ATP8A1: variants seen among roughly 807,000 people sequenced by gnomAD.
ATP8A1 encodes phospholipid-transporting ATPase IA.
In ATP8A1, 90 loss-of-function variants were observed where a neutral mutation model predicts 177.7. That is an observed-to-expected ratio of 0.51 (90% CI 0.43 to 0.60). The LOEUF (loss-of-function observed/expected upper bound fraction) is 0.60. Among genes scored for constraint, ATP8A1 ranks in the 20% least tolerant of loss-of-function variants. The pLI is 0.00. For missense variants in ATP8A1, 1,072 were observed against 1,392.8 expected, an observed-to-expected ratio of 0.77 and a Z score of 3.67; for synonymous variants, 493 against 485.9, an observed-to-expected ratio of 1.01 and a Z score of -0.19.
At chr4:42,656,792 C>G in intron 1 of ATP8A1, 33 bp downstream of exon 1, 2 of 1,531,286 alleles carry the variant, frequency 1.3e-6, no homozygotes, top group South Asian at 1.2e-5. Flanking sequence ...CTTCCCGACC[C>G]CGGGCTAGCC....
intron 27 of ATP8A1, among the ~76,000 whole-genome samples, chr4:42,463,010 C>T (rs893245099): frequency 3.9e-5 from 6 of 152,224 alleles, no homozygotes; most frequent in African/African-American, 9.6e-5. Context: ...ATTGCTTGTA[C>T]ATCCATTGGA....
chr4:42,427,154 A>T (rs1224035482), intron 33 of ATP8A1, among the ~76,000 whole-genome samples: 1 of 152,232 alleles, frequency 6.6e-6, no homozygotes, highest in Non-Finnish European at 1.5e-5. Flanking sequence ...CAGTGAAAAA[A>T]AACTATGAAA....
At chr4:42,413,536 T>C (rs533575707) in intron 36 of ATP8A1, among the ~76,000 whole-genome samples, 2 of 152,212 alleles carry the variant, frequency 1.3e-5, no homozygotes, top group African/African-American at 4.8e-5. Flanking sequence ...AAATCCTTTA[T>C]ATAAAATGGC....
chr4:42,423,250 T>C (rs1327851844), intron 34 of ATP8A1, among the ~76,000 whole-genome samples: 1 of 152,148 alleles, frequency 6.6e-6, no homozygotes, highest in African/African-American at 2.4e-5. Context: ...TTATATTTTA[T>C]ATATGTTTGG....
chr4:42,638,235 T>C (rs999655526), intron 1 of ATP8A1, among the ~76,000 whole-genome samples: 1 of 152,242 alleles, frequency 6.6e-6, no homozygotes, highest in Non-Finnish European at 1.5e-5. Flanking sequence ...GTAAATGACA[T>C]GTTTCTTTAA....
intron 20 of ATP8A1, among the ~76,000 whole-genome samples, chr4:42,527,130 T>C (rs1726754066): frequency 6.6e-6 from 1 of 152,194 alleles, no homozygotes; most frequent in Non-Finnish European, 1.5e-5. Flanking sequence ...ATCTCCTGGC[T>C]TCAGAAGCAG....
chr4:42,511,981 G>A (rs563835185), intron 22 of ATP8A1, among the ~76,000 whole-genome samples: 2 of 152,222 alleles, frequency 1.3e-5, no homozygotes, highest in South Asian at 4.1e-4. Flanking sequence ...GAGTAAATGT[G>A]GATAAATACT....
chr4:42,469,094 C>T (rs929403054), intron 25 of ATP8A1, among the ~76,000 whole-genome samples: 11 of 152,136 alleles, frequency 7.2e-5, no homozygotes, highest in African/African-American at 2.7e-4. Context: ...CCAGAATGTA[C>T]TGATTCCTTT....
At chr4:42,581,470 C>T (rs567605690) in intron 10 of ATP8A1, 151 bp downstream of exon 10, 38 of 656,884 alleles carry the variant, frequency 5.8e-5, no homozygotes, top group African/African-American at 9.1e-5. Context: ...CAAGGTCCCA[C>T]TCACAGGAGT....
chr4:42,581,005 C>T (rs1445971418), intron 10 of ATP8A1, among the ~76,000 whole-genome samples: 2 of 152,194 alleles, frequency 1.3e-5, no homozygotes, highest in Non-Finnish European at 2.9e-5. Context: ...CTTATCATGA[C>T]ATGGACGACT....
At chr4:42,586,316 T>C in intron 9 of ATP8A1, 33 bp downstream of exon 9, 1 of 1,608,222 alleles carries the variant, frequency 6.2e-7, no homozygotes. Flanking sequence ...ACACAGTGGA[T>C]TCTGTGTTTT....
chr4:42,424,922 A>G (rs1714410642), intron 33 of ATP8A1, among the ~76,000 whole-genome samples: 1 of 152,220 alleles, frequency 6.6e-6, no homozygotes, highest in Non-Finnish European at 1.5e-5. Context: ...TAGCACCAAT[A>G]TTCGAGACAC....
intron 8 of ATP8A1, 104 bp downstream of exon 8, chr4:42,588,156 T>C (rs1733816306): frequency 1.6e-5 from 14 of 872,276 alleles, no homozygotes; most frequent in Non-Finnish European, 2.4e-5. Context: ...GGAACATATT[T>C]GCAATAGGAC....
At chr4:42,643,984 C>T (rs1740270680) in intron 1 of ATP8A1, among the ~76,000 whole-genome samples, 1 of 152,180 alleles carries the variant, frequency 6.6e-6, no homozygotes, top group Admixed American at 6.5e-5. Context: ...CAAAAAAGCC[C>T]TACTTGCAGG....
At chr4:42,630,661 C>T (rs1563849) in intron 1 of ATP8A1, among the ~76,000 whole-genome samples, 26,857 of 152,144 alleles carry the variant, frequency 0.18, 2,546 homozygotes, top group Non-Finnish European at 0.21. Context: ...ACCTATTTAA[C>T]GGAAATGGAC....
At position 42,574,601 on chromosome 4, in the gene ATP8A1, T is replaced by G. The variant is rs1452180331; in HGVS notation, c.1295+18A>C. ...ATTAAGCATGTATTTCATATCCTAA[T>G]TAAAGGAAAAAACTCACCCATAAGC... On this transcript the variant is annotated intron_variant, in intron 14 of 36. Coordinates refer to ENST00000381668, the MANE Select transcript of ATP8A1 (RefSeq NM_006095.2). The G allele has an allele frequency of 1.3e-6, 2 of 1,591,772 alleles. No homozygotes were observed. The highest frequency in any genetic ancestry group is 1.7e-6 in the Non-Finnish European group (2 of 1,165,090).
chr4:42,649,314 A>G (rs1740855813), intron 1 of ATP8A1, among the ~76,000 whole-genome samples: 1 of 152,196 alleles, frequency 6.6e-6, no homozygotes, highest in Non-Finnish European at 1.5e-5. Context: ...CAAAATTTAC[A>G]CAAATCTATA....
chr4:42,552,941 G>A (rs1200221564), intron 16 of ATP8A1, among the ~76,000 whole-genome samples: 2 of 152,138 alleles, frequency 1.3e-5, no homozygotes, highest in Non-Finnish European at 2.9e-5. Flanking sequence ...AGCTGAGATT[G>A]CAACATTGTA....
At chr4:42,476,897 T>C (rs1721123263) in intron 25 of ATP8A1, among the ~76,000 whole-genome samples, 1 of 152,196 alleles carries the variant, frequency 6.6e-6, no homozygotes, top group Non-Finnish European at 1.5e-5. Context: ...AATTTCAGTA[T>C]CCCTTTCCCT....
Sources: gnomAD v4.1 joint callset for allele counts (sites outside exome capture counted in the v4.1 genomes callset) on GRCh38, gnomAD v4.1.1 for gene constraint, MANE v1.5 for transcripts, NCBI Gene and HGNC (gene_info 2026-07-23, HGNC 2026-07-21) for gene names.